Variants in MZT1 observed in about 807,000 individuals in gnomAD.
MZT1 encodes the protein mitotic spindle organizing protein 1.
In MZT1, 8 loss-of-function variants were observed where a neutral mutation model predicts 8.5. That is an observed-to-expected ratio of 0.94 (90% CI 0.55 to 1.70). The LOEUF (loss-of-function observed/expected upper bound fraction) is 1.70, where lower values mean the gene tolerates loss of function less well. MZT1 is among the 40% of genes most tolerant of loss of function. The pLI is 0.00. For missense variants in MZT1, 93 were observed against 108.6 expected (o/e 0.86, Z 0.64); for synonymous variants, 38 against 42.0 (o/e 0.90, Z 0.37).
chr13:72,724,729 T>TAG (rs2032625326), intron 1 of MZT1, among the ~76,000 whole-genome samples: 1 of 31,936 alleles, frequency 3.1e-5, no homozygotes, highest in Non-Finnish European at 1.4e-4. Flanking sequence ...CATATATATA[T>TAG]ATATATATAT....
intron 2 of MZT1, among the ~76,000 whole-genome samples, chr13:72,714,988 G>A (rs1249504107): frequency 1.3e-5 from 2 of 152,156 alleles, no homozygotes; most frequent in Non-Finnish European, 2.9e-5. Flanking sequence ...GAGGGCCACC[G>A]TTCTCCAACC....
intron 1 of MZT1, among the ~76,000 whole-genome samples, chr13:72,719,750 A>G (rs982359116): frequency 6.6e-6 from 1 of 152,180 alleles, no homozygotes; most frequent in Non-Finnish European, 1.5e-5. Flanking sequence ...ATGAAACCTT[A>G]TATTTTTTAA....
intron 2 of MZT1, among the ~76,000 whole-genome samples, chr13:72,717,337 C>CTTTTT (rs1172063809): frequency 4.3e-4 from 48 of 110,964 alleles, no homozygotes; most frequent in African/African-American, 1.5e-3. Context: ...CTGTCACTTT[C>CTTTTT]TTTTTTTTTT....
intron 2 of MZT1, among the ~76,000 whole-genome samples, chr13:72,717,094 C>T (rs1196941992): frequency 6.6e-6 from 1 of 152,192 alleles, no homozygotes; most frequent in South Asian, 2.1e-4. Context: ...AGCCCTGTCT[C>T]CAGAACATGT....
chr13:72,726,635 G>C lies in MZT1; in HGVS notation c.79+889C>G, dbSNP rs113503558. Among the ~76,000 whole-genome samples, 879 of 151,290 alleles carry C rather than the reference G, an allele frequency of 5.8e-3. 4 individuals carry two copies. Among genetic ancestry groups the C allele is most frequent in the Non-Finnish European group, 9.6e-3 (655 of 67,920 alleles). The stretch of plus-strand genomic sequence containing the variant: ...GAGACAAAGAAAGAAGACTACAAGA[G>C]AGAGGCCATCTGAAATAATATAAAA... On this transcript the variant is annotated intron_variant, in intron 1 of 2. Coordinates refer to ENST00000377818, the MANE Select transcript of MZT1 (RefSeq NM_001071775.3).
intron 2 of MZT1, among the ~76,000 whole-genome samples, chr13:72,717,235 A>G (rs563646223): frequency 3.4e-4 from 52 of 152,086 alleles, no homozygotes; most frequent in Non-Finnish European, 6.9e-4. Flanking sequence ...ACCTTCCACA[A>G]TTTGCTTGGA....
intron 1 of MZT1, among the ~76,000 whole-genome samples, chr13:72,725,499 A>C (rs4885033): frequency 0.88 from 134,141 of 152,070 alleles, 61,206 homozygotes; most frequent in Non-Finnish European, 0.99. Flanking sequence ...GGAGGTTCAC[A>C]AATGCTACCA....
chr13:72,723,717 T>C (rs771123469), intron 1 of MZT1, among the ~76,000 whole-genome samples: 1 of 152,266 alleles, frequency 6.6e-6, no homozygotes, highest in East Asian at 1.9e-4. Context: ...TCTAACTATA[T>C]GTATTTTGTG....
intron 2 of MZT1, among the ~76,000 whole-genome samples, chr13:72,717,559 G>C (rs567539994): frequency 6.6e-5 from 10 of 152,016 alleles, no homozygotes; most frequent in Non-Finnish European, 1.5e-4. Flanking sequence ...GGCTGGTTTT[G>C]AACTCCTGAC....
At chr13:72,725,129 G>T (rs1486055048) in intron 1 of MZT1, among the ~76,000 whole-genome samples, 1 of 151,030 alleles carries the variant, frequency 6.6e-6, no homozygotes, top group Non-Finnish European at 1.5e-5. Context: ...AGATGCACAG[G>T]ACGATTTTAG....
chr13:72,721,686 GA>G (rs2032595077), intron 1 of MZT1, among the ~76,000 whole-genome samples: 4 of 152,208 alleles, frequency 2.6e-5, no homozygotes, highest in Admixed American at 2.6e-4. Flanking sequence ...GGCAACCCAA[GA>G]AATCACTTTG....
intron 2 of MZT1, among the ~76,000 whole-genome samples, chr13:72,713,106 A>G (rs1011035351): frequency 2.0e-5 from 3 of 152,190 alleles, no homozygotes; most frequent in Non-Finnish European, 4.4e-5. Flanking sequence ...TTACTGGAGG[A>G]GAAAACTTAG....
intron 2 of MZT1, among the ~76,000 whole-genome samples, chr13:72,717,650 C>T (rs2032549091): frequency 6.6e-6 from 1 of 152,140 alleles, no homozygotes; most frequent in South Asian, 2.1e-4. Flanking sequence ...CATTCTGTCA[C>T]TTTCTAACAA....
At chr13:72,713,436 T>C (rs1241521785) in intron 2 of MZT1, among the ~76,000 whole-genome samples, 2 of 152,156 alleles carry the variant, frequency 1.3e-5, no homozygotes, top group Non-Finnish European at 2.9e-5. Context: ...TCAAATGCCT[T>C]ATATAAAAGG....
chr13:72,724,746 A>ATG (rs1360013351), intron 1 of MZT1, among the ~76,000 whole-genome samples: 2 of 37,242 alleles, frequency 5.4e-5, no homozygotes, highest in Non-Finnish European at 7.8e-5. Flanking sequence ...ATATACACAT[A>ATG]TATATATGTA....
chr13:72,722,421 G>A (rs1352490984), intron 1 of MZT1, among the ~76,000 whole-genome samples: 1 of 152,160 alleles, frequency 6.6e-6, no homozygotes, highest in Non-Finnish European at 1.5e-5. Flanking sequence ...AGAGTTCCCT[G>A]TTACTACCAC....
rs759924562 is a variant in MZT1, at chr13:72,710,304, C to T, written c.*18G>A. ...TCTTGCAGAGCTTGACATATCTCATCAGAATTTCTCCAGAAAGTCAGCTTG... is the reference window on the plus strand; with the variant it reads ...TCTTGCAGAGCTTGACATATCTCATTAGAATTTCTCCAGAAAGTCAGCTTG... On this transcript the variant is annotated 3_prime_UTR_variant, in exon 3 of 3. Coordinates refer to ENST00000377818, the MANE Select transcript of MZT1 (RefSeq NM_001071775.3). 1.3e-5 allele frequency: 21 copies of T among 1,612,520 alleles called. No homozygotes were observed. The highest frequency in any genetic ancestry group is 5.1e-6 in the Non-Finnish European group (6 of 1,178,932).
Position 72,727,607 on chromosome 13 carries a change from A to G in MZT1, c.-5T>C, listed in dbSNP as rs754602697. 34 of 1,592,768 alleles carry G rather than the reference A, an allele frequency of 2.1e-5. No homozygotes were observed. Among genetic ancestry groups the G allele is most frequent in the South Asian group, 1.1e-5 (1 of 88,996 alleles). ...AGCACCGCTGCTACTCGCCATGGCT[A>G]AGGCCGAGGGAGGCGGGAGAAGGGC... On this transcript the variant is annotated 5_prime_UTR_variant, in exon 1 of 3. Coordinates refer to ENST00000377818, the MANE Select transcript of MZT1 (RefSeq NM_001071775.3).
At chr13:72,710,846 T>A (rs1450764134) in intron 2 of MZT1, among the ~76,000 whole-genome samples, 1 of 152,182 alleles carries the variant, frequency 6.6e-6, no homozygotes, top group East Asian at 1.9e-4. Flanking sequence ...TACCATATCA[T>A]CAATAAATAC....
Sources: allele counts gnomAD v4.1 joint callset (sites outside exome capture counted in the v4.1 genomes callset), GRCh38; gene constraint gnomAD v4.1.1; transcripts MANE v1.5; gene names NCBI Gene and HGNC (gene_info 2026-07-23, HGNC 2026-07-21).